NRF1: variants seen among roughly 807,000 people sequenced by gnomAD.
The protein encoded by NRF1 is nuclear respiratory factor 1, also known as alpha palindromic-binding protein.
NRF1 carries 5 observed loss-of-function variants against 58.5 expected under a neutral mutation model. That is an observed-to-expected ratio of 0.09 (90% CI 0.04 to 0.18). The LOEUF (loss-of-function observed/expected upper bound fraction) is 0.18, where lower values mean the gene tolerates loss of function less well. Ranked by LOEUF, NRF1 falls within the 10% of genes least tolerant of loss-of-function variation. The pLI is 1.00. For missense variants in NRF1, 288 were observed against 657.7 expected, an observed-to-expected ratio of 0.44 and a Z score of 6.15; for synonymous variants, 224 against 246.7, an observed-to-expected ratio of 0.91 and a Z score of 0.86.
chr7:129,692,121 T>A (rs1446095447), intron 5 of NRF1, among the ~76,000 whole-genome samples: 1 of 152,066 alleles, frequency 6.6e-6, no homozygotes, highest in Non-Finnish European at 1.5e-5. Context: ...GCAGGTCATG[T>A]CAGTTCACCT....
At chr7:129,643,298 C>T (rs545587498) in intron 1 of NRF1, among the ~76,000 whole-genome samples, 3 of 152,236 alleles carry the variant, frequency 2.0e-5, no homozygotes, top group South Asian at 2.1e-4. Flanking sequence ...GAATTGAGCC[C>T]GCCACTGAAG....
intron 5 of NRF1, among the ~76,000 whole-genome samples, chr7:129,699,975 T>TA (rs11426755): frequency 0.99 from 141,478 of 143,226 alleles, 69,873 homozygotes; most frequent in South Asian, 1. Context: ...CCGTCTCCAC[T>TA]AAAAAAAAAA....
intron 1 of NRF1, among the ~76,000 whole-genome samples, chr7:129,646,900 C>G (rs1801417670): frequency 6.6e-6 from 1 of 152,134 alleles, no homozygotes; most frequent in Non-Finnish European, 1.5e-5. Flanking sequence ...GAAACTGTAA[C>G]TGCCTGGGTG....
chr7:129,737,842 G>C (rs1003499394), intron 10 of NRF1, among the ~76,000 whole-genome samples: 1 of 152,212 alleles, frequency 6.6e-6, no homozygotes, highest in Admixed American at 6.5e-5. Context: ...TGTGTTCTAT[G>C]ACACTGTGAT....
chr7:129,748,324 C>A (rs563918142), intron 10 of NRF1, among the ~76,000 whole-genome samples: 1 of 147,618 alleles, frequency 6.8e-6, no homozygotes, highest in Admixed American at 6.7e-5. Flanking sequence ...TGCAAGCATG[C>A]AGATTTATAG....
At chr7:129,717,838 C>T (rs1803228540) in intron 9 of NRF1, among the ~76,000 whole-genome samples, 1 of 152,176 alleles carries the variant, frequency 6.6e-6, no homozygotes, top group Non-Finnish European at 1.5e-5. Context: ...TTCATGTTTT[C>T]AAGGGATACA....
intron 10 of NRF1, among the ~76,000 whole-genome samples, 187 bp downstream of exon 10, chr7:129,727,552 T>C (rs1311336641): frequency 6.6e-6 from 1 of 151,896 alleles, no homozygotes. Flanking sequence ...AACATGGGGG[T>C]TCCTGAAGGA....
chr7:129,740,029 A>G (rs1259149024), intron 10 of NRF1, among the ~76,000 whole-genome samples: 1 of 152,108 alleles, frequency 6.6e-6, no homozygotes, highest in Non-Finnish European at 1.5e-5. Flanking sequence ...CAACCTTTTC[A>G]TGGTGTTGAG....
chr7:129,735,715 AAAC>A (rs1803691815), intron 10 of NRF1, among the ~76,000 whole-genome samples: 1 of 151,394 alleles, frequency 6.6e-6, no homozygotes, highest in African/African-American at 2.4e-5. Flanking sequence ...ATATTTTCTG[AAAC>A]TATAAGACCA....
At chr7:129,753,264 G>GT (rs1804166746) in intron 10 of NRF1, among the ~76,000 whole-genome samples, 1 of 152,194 alleles carries the variant, frequency 6.6e-6, no homozygotes, top group South Asian at 2.1e-4. Flanking sequence ...TCTCAATACA[G>GT]TGGGTGAACC....
At chr7:129,720,721 A>T (rs1011197433) in intron 9 of NRF1, among the ~76,000 whole-genome samples, 3 of 152,308 alleles carry the variant, frequency 2.0e-5, no homozygotes, top group Admixed American at 6.5e-5. Flanking sequence ...GTTGCAGGAC[A>T]GACTTGTTTC....
intron 1 of NRF1, among the ~76,000 whole-genome samples, chr7:129,650,067 G>C (rs548994989): frequency 1.3e-5 from 2 of 152,210 alleles, no homozygotes; most frequent in South Asian, 4.1e-4. Flanking sequence ...AGGACCTTTA[G>C]ATGAAGGATA....
At chr7:129,613,799 CGGG>C (rs1800597585) in intron 1 of NRF1, among the ~76,000 whole-genome samples, 2 of 4,282 alleles carry the variant, frequency 4.7e-4, no homozygotes, top group Non-Finnish European at 8.9e-4. Flanking sequence ...CTGGGAGGGG[CGGG>C]GGCGGGGGCT....
chr7:129,710,331 G>A, intron 6 of NRF1, 43 bp from the exon 7 acceptor site: 1 of 1,596,290 alleles, frequency 6.3e-7, no homozygotes, highest in Non-Finnish European at 8.6e-7. Flanking sequence ...AATAACCAAA[G>A]TTCTTTGTGG....
intron 1 of NRF1, among the ~76,000 whole-genome samples, chr7:129,653,170 C>T (rs574427602): frequency 1.4e-4 from 21 of 152,276 alleles, no homozygotes; most frequent in African/African-American, 4.8e-4. Flanking sequence ...TAGAATCATA[C>T]AGTATTTGTT....
At chr7:129,754,799 A>T (rs538630452) in intron 10 of NRF1, among the ~76,000 whole-genome samples, 1 of 152,190 alleles carries the variant, frequency 6.6e-6, no homozygotes, top group African/African-American at 2.4e-5. Flanking sequence ...CCCCATAAAC[A>T]TGAACAGTTA....
At chr7:129,618,117 C>T (rs978138372) in intron 1 of NRF1, among the ~76,000 whole-genome samples, 2 of 152,050 alleles carry the variant, frequency 1.3e-5, no homozygotes, top group African/African-American at 4.8e-5. Context: ...AAAAGGACAT[C>T]GATTCTGGGG....
intron 1 of NRF1, among the ~76,000 whole-genome samples, chr7:129,643,668 T>A (rs1023562130): frequency 6.6e-6 from 1 of 152,242 alleles, no homozygotes; most frequent in African/African-American, 2.4e-5. Flanking sequence ...AGCGTCTACA[T>A]ATTTGAGAAT....
At chr7:129,654,053 T>TCTTC (rs1801597543) in intron 1 of NRF1, among the ~76,000 whole-genome samples, 1 of 152,210 alleles carries the variant, frequency 6.6e-6, no homozygotes, top group African/African-American at 2.4e-5. Flanking sequence ...TGCCACACTG[T>TCTTC]CTTCCAAAGT....
Sources: allele counts gnomAD v4.1 joint callset (sites outside exome capture counted in the v4.1 genomes callset), GRCh38; gene constraint gnomAD v4.1.1; transcripts MANE v1.5; gene names NCBI Gene and HGNC (gene_info 2026-07-23, HGNC 2026-07-21).